Variants in CHD5 observed in about 807,000 individuals in gnomAD.
The protein encoded by CHD5 is ATP-dependent chromatin remodeler CHD5.
CHD5 carries 69 observed loss-of-function variants against 230.3 expected under a neutral mutation model. The observed-to-expected ratio is 0.30, with a 90% CI of 0.25 to 0.37. The LOEUF (loss-of-function observed/expected upper bound fraction) is 0.37, where lower values mean the gene tolerates loss of function less well. CHD5 is among the 10% of genes least tolerant of loss of function. The pLI, the probability that CHD5 is intolerant of heterozygous loss-of-function variation, is 1.00. For missense variants in CHD5, 1,827 were observed against 2,622.8 expected, an observed-to-expected ratio of 0.70 and a Z score of 6.63; for synonymous variants, 1,064 against 1,065.9, an observed-to-expected ratio of 1.00 and a Z score of 0.03.
At chr1:6,119,138 C>CAAAAAT (rs1571142852) in intron 33 of CHD5, among the ~76,000 whole-genome samples, 1 of 151,134 alleles carries the variant, frequency 6.6e-6, no homozygotes, top group East Asian at 2.0e-4. Context: ...CCCAAATCAG[C>CAAAAAT]AAAAATAAAC....
chr1:6,123,931 C>T lies in CHD5; in HGVS notation c.4699+17G>A. ...CCATGACCCCAGTGCCCTCCCCGGCCCGCCCAGCCCACAGACCTGGCAGGC... is the reference window on the plus strand; with the variant it reads ...CCATGACCCCAGTGCCCTCCCCGGCTCGCCCAGCCCACAGACCTGGCAGGC... On this transcript the variant is annotated intron_variant, in intron 31 of 41. Transcript: ENST00000262450. 2.8e-6 allele frequency: 4 copies of T among 1,438,310 alleles called. No individual in the cohort carries two copies. The highest frequency in any genetic ancestry group is 3.6e-6 in the Non-Finnish European group (4 of 1,097,676). 89.1% of individuals were successfully genotyped at this position (1,438,310 alleles called of 1,614,324 possible). A position where few individuals can be genotyped will look rare whatever the true frequency, so the allele number is the denominator to read the frequency against.
chr1:6,124,534 A>T lies in CHD5; in HGVS notation c.4522T>A (p.Ser1508Thr), dbSNP rs1238343036. The stretch of plus-strand genomic sequence containing the variant: ...TCACCCACCTTCTTCCTAACTAGTG[A>T]CATGACCCCGATGCGGGTCAGCACG... ...QHVLTRIGVMSLVRKKVQEFE... is the reference protein window; with the variant it reads ...QHVLTRIGVMTLVRKKVQEFE... Residue 1508 changes from serine to threonine, a missense_variant, in exon 30 of 42, where the codon TCA (serine) becomes ACA (threonine). Ser to Thr is a moderately conservative substitution (Grantham distance 58). This residue lies in a region of CHD5 where 108 missense variants were observed against 152.4 expected (regional missense o/e 0.71). Coordinates refer to ENST00000262450, the MANE Select transcript of CHD5 (RefSeq NM_015557.3). The T allele has an allele frequency of 6.2e-7, 1 of 1,614,112 alleles. No homozygotes were observed. The highest frequency in any genetic ancestry group is 1.6e-4 in the Middle Eastern group (1 of 6,062).
chr1:6,109,702 C>T lies in CHD5; in HGVS notation c.5578+93G>A, dbSNP rs952558055. On this transcript the variant is annotated intron_variant, in intron 38 of 41. Transcript: ENST00000262450. ...CTGGGCTGACATCTGTCCCCAGCCC[C>T]TACCCCATCAGTGCCCTCATCTACA... The T allele has an allele frequency of 3.6e-6, 4 of 1,109,138 alleles. No homozygotes were observed. The African/African-American group carries it at 6.2e-5, about 17-fold the overall frequency. 68.7% of individuals were successfully genotyped at this position (1,109,138 alleles called of 1,614,324 possible).
At chr1:6,179,327 G>A (rs1000943598) in intron 1 of CHD5, among the ~76,000 whole-genome samples, 1 of 152,110 alleles carries the variant, frequency 6.6e-6, no homozygotes, top group African/African-American at 2.4e-5. Flanking sequence ...TGGGAGCGGC[G>A]GTCACAGCGC....
chr1:6,164,051 C>A (rs2100878098), intron 2 of CHD5, among the ~76,000 whole-genome samples: 1 of 152,338 alleles, frequency 6.6e-6, no homozygotes. Flanking sequence ...GAGCCCCCAC[C>A]CTGCTGAGGG....
At chr1:6,179,393 C>T (rs1021956229) in intron 1 of CHD5, among the ~76,000 whole-genome samples, 22 of 151,864 alleles carry the variant, frequency 1.4e-4, no homozygotes, top group Non-Finnish European at 2.9e-4. Flanking sequence ...AGAGCGGAGT[C>T]CTCCTGGGCC....
rs370143399 is a variant in CHD5, at chr1:6,144,040, C to T, written c.1918G>A (p.Ala640Thr). Residue 640 changes from alanine to threonine, a missense_variant, in exon 12 of 42, where the codon GCC becomes ACC. Physicochemically the swap from Ala to Thr is moderately conservative, Grantham distance 58. Transcript: ENST00000262450. ...DIPYYDNLKQ[A>T]YWGHRELMLG... ...GCGACCCACCTGTGGCCCCAGTAGG[C>T]CTGCTTGAGGTTGTCGTAGTAGGGG... is the stretch of plus-strand genomic sequence containing the variant. 9.9e-6 allele frequency: 16 copies of T among 1,614,062 alleles called. No homozygotes were observed. In the African/African-American group the frequency reaches 1.5e-4, roughly 15 times the overall value.
rs1666593737 is a variant in CHD5 at position 6,128,187 on chromosome 1, C to A, written c.3762G>T (p.Val1254=). The change falls in exon 25 of 42, where the codon GTG becomes GTT. Residue 1254 remains valine (V), a synonymous_variant. Coordinates refer to ENST00000262450, the MANE Select transcript of CHD5 (RefSeq NM_015557.3). The surrounding 1 kb of genome is among the most constrained non-coding windows in gnomAD (Gnocchi z 7.8). ...AGATGGCCGCATCGTCATAGTGGAT[C>A]ACACTGCTGTCCTCCACGTCCTTGT... is the stretch of plus-strand genomic sequence containing the variant. ...GDNKDVEDSS[V]IHYDDAAISK... 6.2e-7 allele frequency: 1 copy of A among 1,614,152 alleles called. No homozygotes were observed. The highest frequency in any genetic ancestry group is 8.5e-7 in the Non-Finnish European group (1 of 1,180,012).
chr1:6,134,587 A>G lies in CHD5; in HGVS notation c.3012+131T>C, dbSNP rs1666710189. Reference sequence around the variant, plus strand: ...TCCATGATGGCCAGGGAAACCTACCATGACAGCCACAGAAATCGCCACAAT... The same window carrying G: ...TCCATGATGGCCAGGGAAACCTACCGTGACAGCCACAGAAATCGCCACAAT... On this transcript the variant is annotated intron_variant, in intron 19 of 41. Coordinates refer to ENST00000262450, the MANE Select transcript of CHD5 (RefSeq NM_015557.3). The surrounding 1 kb of genome is among the most constrained non-coding windows in gnomAD (Gnocchi z 6.3). 12 of 1,037,062 alleles carry G rather than the reference A, an allele frequency of 1.2e-5. No homozygotes were observed. The highest frequency in any genetic ancestry group is 1.6e-5 in the Non-Finnish European group (11 of 679,820). 64.2% of individuals were successfully genotyped at this position (1,037,062 alleles called of 1,614,324 possible). A position where few individuals can be genotyped will look rare whatever the true frequency, so the allele number is the denominator to read the frequency against.
intron 17 of CHD5, 33 bp downstream of exon 17, chr1:6,136,484 C>T (rs1459389497): frequency 1.2e-6 from 2 of 1,608,534 alleles, no homozygotes; most frequent in South Asian, 1.1e-5. Flanking sequence ...CCAGCCCCAC[C>T]ACCACCTCCC....
intron 3 of CHD5, among the ~76,000 whole-genome samples, chr1:6,156,809 C>T (rs1488673520): frequency 2.6e-5 from 4 of 152,096 alleles, no homozygotes; most frequent in African/African-American, 9.7e-5. Flanking sequence ...CCCAGGGGCA[C>T]AGTGAGTTCT....
rs1011860436 is a variant in CHD5 at position 6,113,008 on chromosome 1, A to C, written c.4913-10T>G. 5.6e-6 allele frequency: 9 copies of C among 1,604,250 alleles called. 1 individual carries two copies. The African/African-American group carries it at 9.4e-5, about 17-fold the overall frequency. ...TCAGGAAGCACCTCCTCTGCAAGAA[A>C]AAGAGGGTTCGCGGCATGGGGTGGG... is the stretch of plus-strand genomic sequence containing the variant. On this transcript the variant is annotated splice_polypyrimidine_tract_variant and intron_variant, in intron 33 of 41. Coordinates refer to ENST00000262450, the MANE Select transcript of CHD5 (RefSeq NM_015557.3).
chr1:6,125,067 G>A lies in CHD5; in HGVS notation c.4394+33C>T. On this transcript the variant is annotated intron_variant, in intron 29 of 41. Coordinates refer to ENST00000262450, the MANE Select transcript of CHD5 (RefSeq NM_015557.3). This position sits in a 1 kb window ranked among gnomAD's most constrained non-coding sequence, Gnocchi z 6.7. Reference sequence around the variant, plus strand: ...ACCCTGCCCTACTCAGGGGCAGGTGGTCACACCCTGGGCCACCACCTAGCC... The same window carrying A: ...ACCCTGCCCTACTCAGGGGCAGGTGATCACACCCTGGGCCACCACCTAGCC... 2 of 1,528,604 alleles carry A rather than the reference G, an allele frequency of 1.3e-6. No homozygotes were observed. Among genetic ancestry groups the A allele is most frequent in the Non-Finnish European group, 1.8e-6 (2 of 1,133,316 alleles). The allele number at this position is 1,528,604 out of a possible 1,614,324, so 94.7% of individuals were successfully genotyped here.
At position 6,125,988 on chromosome 1, in the gene CHD5, A is replaced by G; in HGVS notation, c.4079-130T>C. On this transcript the variant is annotated intron_variant, in intron 26 of 41. Coordinates refer to ENST00000262450, the MANE Select transcript of CHD5 (RefSeq NM_015557.3). The surrounding 1 kb of genome is among the most constrained non-coding windows in gnomAD (Gnocchi z 6.7). ...CATAAAAAAGCAGTGACAATGGCCC[A>G]CATACTTCCTGTGGGCTCATTTAGT... 2.9e-6 allele frequency: 2 copies of G among 686,496 alleles called. No homozygotes were observed. Among genetic ancestry groups the G allele is most frequent in the South Asian group, 3.4e-5 (2 of 59,558 alleles). 42.5% of individuals were successfully genotyped at this position (686,496 alleles called of 1,614,324 possible).
chr1:6,159,231 AC>A, intron 3 of CHD5, 104 bp downstream of exon 3: 1 of 463,284 alleles, frequency 2.2e-6, no homozygotes, highest in Non-Finnish European at 2.7e-6. Context: ...ACTCCATCAC[AC>A]ACACACACAC....
rs60066579 is a variant in CHD5, at chr1:6,172,154, C to A, written c.80-3877G>T. 1.3e-4 allele frequency among the ~76,000 whole-genome samples: 20 copies of A among 152,310 alleles called. No individual in the cohort carries two copies. The South Asian group carries it at 4.1e-3, about 32-fold the overall frequency. On this transcript the variant is annotated intron_variant, in intron 1 of 41. Coordinates refer to ENST00000262450, the MANE Select transcript of CHD5 (RefSeq NM_015557.3). The stretch of plus-strand genomic sequence containing the variant: ...GCCTAGGCTGAGCCACTGCAGGCTG[C>A]GGCCAGGCCGATGAGGTGGGCCCTT...
intron 18 of CHD5, 145 bp downstream of exon 18, chr1:6,135,082 AGAG>A: frequency 9.9e-7 from 1 of 1,013,996 alleles, no homozygotes; most frequent in Non-Finnish European, 1.5e-6. Context: ...AAACCTGAGA[AGAG>A]GCCCCACGAA....
chr1:6,159,296 G>A (rs1296054909), intron 3 of CHD5, 40 bp downstream of exon 3: 23 of 1,549,462 alleles, frequency 1.5e-5, no homozygotes, highest in Non-Finnish European at 2.0e-5. Context: ...CCTTAAAGGG[G>A]GATGTCGCTC....
intron 35 of CHD5, 124 bp downstream of exon 35, chr1:6,112,016 A>G (rs1666299911): frequency 2.1e-6 from 3 of 1,416,078 alleles, no homozygotes; most frequent in Non-Finnish European, 2.9e-6. Flanking sequence ...GGTGGCTAAG[A>G]AAGGTTATAC....
Sources: allele counts gnomAD v4.1 joint callset (sites outside exome capture counted in the v4.1 genomes callset), GRCh38; gene constraint gnomAD v4.1.1; regional missense constraint gnomAD v4.1.1; non-coding constraint Gnocchi (gnomAD v3.1); transcripts MANE v1.5; gene names NCBI Gene and HGNC (gene_info 2026-07-23, HGNC 2026-07-21).